Variants in PER3 observed in about 807,000 individuals in gnomAD.
PER3 encodes period circadian protein homolog 3.
In PER3, 107 loss-of-function variants were observed where a neutral mutation model predicts 127.2. The observed-to-expected ratio is 0.84, with a 90% confidence interval of 0.72 to 0.99. PER3 has a LOEUF of 0.99. Among genes scored for constraint, PER3 ranks in the 50% least tolerant of loss-of-function variants. PER3 has a pLI of 0.00. For missense variants in PER3, 1,560 were observed against 1,525.8 expected, an observed-to-expected ratio of 1.02 and a Z score of -0.37; for synonymous variants, 618 against 585.8, an observed-to-expected ratio of 1.05 and a Z score of -0.79.
chr1:7,789,069 T>C (rs560808665), intron 5 of PER3, among the ~76,000 whole-genome samples: 38 of 151,994 alleles, frequency 2.5e-4, no homozygotes, highest in Non-Finnish European at 5.3e-4. Context: ...CTGTGTGATC[T>C]TAATTTATTT....
intron 16 of PER3, among the ~76,000 whole-genome samples, chr1:7,825,486 A>G (rs753356401): frequency 6.6e-6 from 1 of 152,222 alleles, no homozygotes; most frequent in Non-Finnish European, 1.5e-5. Context: ...AAGTTCTCCA[A>G]GGGATATGGT....
intron 10 of PER3, 91 bp downstream of exon 10, chr1:7,803,939 C>T: frequency 9.9e-7 from 1 of 1,014,076 alleles, no homozygotes; most frequent in Non-Finnish European, 1.5e-6. Flanking sequence ...TCAATTGACA[C>T]ATAAACTAAA....
At chr1:7,786,873 G>T in intron 4 of PER3, 37 bp downstream of exon 4, 2 of 1,225,668 alleles carry the variant, frequency 1.6e-6, no homozygotes, top group South Asian at 2.4e-5. Flanking sequence ...CAACCTGGGT[G>T]ACTTTTCCTA....
chr1:7,802,512 G>A (rs228640), intron 8 of PER3, among the ~76,000 whole-genome samples: 40,033 of 152,092 alleles, frequency 0.26, 6,173 homozygotes, highest in Admixed American at 0.44. Flanking sequence ...CAGTCTGCCC[G>A]CCTCAGCCTC....
intron 4 of PER3, 120 bp from the exon 5 acceptor site, chr1:7,787,925 G>A: frequency 1.4e-6 from 1 of 711,158 alleles, no homozygotes; most frequent in Non-Finnish European, 2.5e-6. Flanking sequence ...TGCATTTGTA[G>A]GTTGTGCCTG....
intron 10 of PER3, among the ~76,000 whole-genome samples, chr1:7,806,793 CTT>C (rs2097194534): frequency 7.2e-5 from 2 of 27,820 alleles, no homozygotes; most frequent in African/African-American, 1.7e-4. Context: ...GACCCTGTCT[CTT>C]AAAAAAAAAA....
chr1:7,827,517 C>G lies in PER3; in HGVS notation c.2588C>G (p.Pro863Arg), dbSNP rs770052541. The change falls in exon 18 of 22, where the codon CCC becomes CGC. Residue 863 changes from proline (P) to arginine (R), a missense_variant. Around this residue, in one of 3 missense-constraint regions of PER3, gnomAD observed 1,332 missense variants for 1,223.6 expected, o/e 1.09. Coordinates refer to ENST00000377532, the MANE Select transcript of PER3 (RefSeq NM_001377275.1). ...DTFMTVFLPD[P>R]PVCPLLSPSF... ...TTTATGACCGTTTTCCTGCCTGACCCCCCTGTCTGTCCTCTGTTGTCGCCA... is the reference window on the plus strand; with the variant it reads ...TTTATGACCGTTTTCCTGCCTGACCGCCCTGTCTGTCCTCTGTTGTCGCCA... 2 of 1,614,230 alleles carry G rather than the reference C, an allele frequency of 1.2e-6. No individual in the cohort carries two copies. Among genetic ancestry groups the G allele is most frequent in the East Asian group, 2.2e-5 (1 of 44,888 alleles).
intron 7 of PER3, 95 bp downstream of exon 7, chr1:7,798,768 T>G: frequency 4.2e-6 from 4 of 955,668 alleles, no homozygotes; most frequent in South Asian, 1.5e-5. Context: ...AAAGAGCTCT[T>G]GGGTCTCCAA....
rs2097321214 is a variant in PER3, at chr1:7,829,830, C to G, written c.2887-4C>G. 2.5e-6 allele frequency: 4 copies of G among 1,608,860 alleles called. No individual in the cohort carries two copies. Among genetic ancestry groups the G allele is most frequent in the Non-Finnish European group, 3.4e-6 (4 of 1,175,452 alleles). ...GTGTCTTTTCATGTGCCCTTACTTT[C>G]TAGCAGTGTGTTACAGGCAACAATG... On this transcript the variant is annotated splice_region_variant and splice_polypyrimidine_tract_variant and intron_variant, in intron 18 of 21. Coordinates refer to ENST00000377532, the MANE Select transcript of PER3 (RefSeq NM_001377275.1).
At chr1:7,800,396 CAG>C (rs2097165500) in intron 7 of PER3, among the ~76,000 whole-genome samples, 1 of 151,480 alleles carries the variant, frequency 6.6e-6, no homozygotes, top group Non-Finnish European at 1.5e-5. Flanking sequence ...TTAGTAGAGA[CAG>C]GGTTTTATCA....
intron 16 of PER3, among the ~76,000 whole-genome samples, chr1:7,823,189 G>A (rs2097285508): frequency 1.3e-5 from 2 of 152,146 alleles, no homozygotes; most frequent in South Asian, 4.1e-4. Context: ...TAAATGAATG[G>A]AAAAAGATGC....
chr1:7,815,666 G>A (rs2097245049), intron 13 of PER3, among the ~76,000 whole-genome samples: 1 of 152,004 alleles, frequency 6.6e-6, no homozygotes, highest in Non-Finnish European at 1.5e-5. Context: ...TAATCCACAG[G>A]TCAGAGAGGA....
chr1:7,801,504 T>C lies in PER3; in HGVS notation c.872+313T>C, dbSNP rs576140622. On this transcript the variant is annotated intron_variant, in intron 8 of 21. Coordinates refer to ENST00000377532, the MANE Select transcript of PER3 (RefSeq NM_001377275.1). ...TGAGAACAGATGTATAGTATCTGATTGCGCTCAAACTGGGACCAAGACTCT... is the reference window on the plus strand; with the variant it reads ...TGAGAACAGATGTATAGTATCTGATCGCGCTCAAACTGGGACCAAGACTCT... Among the ~76,000 whole-genome samples, 4 of 152,342 alleles carry C rather than the reference T, an allele frequency of 2.6e-5. No homozygotes were observed. The East Asian group carries it at 7.7e-4, about 29-fold the overall frequency.
At chr1:7,785,767 C>T (rs1014642858) in intron 3 of PER3, among the ~76,000 whole-genome samples, 181 bp downstream of exon 3, 2 of 152,142 alleles carry the variant, frequency 1.3e-5, no homozygotes, top group Non-Finnish European at 2.9e-5. Context: ...TGTGAAAGAC[C>T]AGGAAAACTT....
intron 10 of PER3, 98 bp downstream of exon 10, chr1:7,803,946 T>A: frequency 1.1e-6 from 1 of 950,872 alleles, no homozygotes; most frequent in Non-Finnish European, 1.6e-6. Flanking sequence ...ACACATAAAC[T>A]AAATAAAGCA....
intron 10 of PER3, among the ~76,000 whole-genome samples, chr1:7,806,812 A>T (rs12036488): frequency 0.44 from 26,556 of 59,990 alleles, 6,178 homozygotes; most frequent in East Asian, 0.7. Flanking sequence ...AAAAAAAAAA[A>T]ATATATATAT....
At chr1:7,789,515 C>T (rs190760284) in intron 5 of PER3, among the ~76,000 whole-genome samples, 109 of 152,324 alleles carry the variant, frequency 7.2e-4, no homozygotes, top group Non-Finnish European at 2.9e-5. Context: ...GCTTCCTCAG[C>T]CACGTGGAAC....
intron 15 of PER3, 23 bp downstream of exon 15, chr1:7,820,262 T>G: frequency 6.2e-7 from 1 of 1,605,666 alleles, no homozygotes; most frequent in East Asian, 2.2e-5. Flanking sequence ...CCCCTCAGAG[T>G]TAAATTCAAA....
At chr1:7,794,658 A>G (rs187171262) in intron 6 of PER3, among the ~76,000 whole-genome samples, 185 of 152,136 alleles carry the variant, frequency 1.2e-3, no homozygotes, top group African/African-American at 4.4e-3. Flanking sequence ...ATTTAAAATT[A>G]ATTTTTGAAA....
Sources: gnomAD v4.1 joint callset for allele counts (sites outside exome capture counted in the v4.1 genomes callset) on GRCh38, gnomAD v4.1.1 for gene constraint, gnomAD v4.1.1 regional missense constraint, MANE v1.5 for transcripts, NCBI Gene and HGNC (gene_info 2026-07-23, HGNC 2026-07-21) for gene names.